Variants in NOX3 observed in about 807,000 individuals in gnomAD.
NOX3 encodes NADPH oxidase catalytic subunit-like 3.
In NOX3, 74 loss-of-function variants were observed where a neutral mutation model predicts 76.7. That is an observed-to-expected ratio of 0.96 (90% confidence interval 0.80 to 1.17). NOX3 has a LOEUF of 1.17. NOX3 is among the 50% of genes most tolerant of loss of function. NOX3 has a pLI of 0.00. For missense variants in NOX3, 695 were observed against 703.3 expected (o/e 0.99, Z 0.13); for synonymous variants, 263 against 261.1 (o/e 1.01, Z -0.07).
At chr6:155,396,025 T>C (rs1338704077) in intron 13 of NOX3, among the ~76,000 whole-genome samples, 1 of 152,196 alleles carries the variant, frequency 6.6e-6, no homozygotes. Flanking sequence ...AGTCCCTCTT[T>C]TGCTCAATAC....
intron 10 of NOX3, among the ~76,000 whole-genome samples, chr6:155,415,287 G>A (rs2114684179): frequency 6.6e-6 from 1 of 152,322 alleles, no homozygotes; most frequent in South Asian, 2.1e-4. Flanking sequence ...GAATTGAGAA[G>A]CACTACCAAT....
intron 11 of NOX3, among the ~76,000 whole-genome samples, chr6:155,409,677 C>T (rs1776515434): frequency 6.6e-6 from 1 of 152,076 alleles, no homozygotes; most frequent in African/African-American, 2.4e-5. Flanking sequence ...TGATTCTTTC[C>T]CGACAGAATG....
intron 9 of NOX3, among the ~76,000 whole-genome samples, chr6:155,423,455 G>A (rs1229877879): frequency 1.3e-5 from 2 of 152,130 alleles, no homozygotes; most frequent in Admixed American, 1.3e-4. Context: ...AAAATCTGTG[G>A]TAATTAGGCC....
Position 155,396,936 on chromosome 6 carries a change from C to T in NOX3, c.1607G>A (p.Gly536Glu). The T allele has an allele frequency of 6.2e-7, 1 of 1,612,890 alleles. No homozygotes were observed. Residue 536 changes from glycine to glutamate, a missense_variant, in exon 13 of 14, where the codon GGA becomes GAA. Transcript: ENST00000159060. Reference protein sequence around the residue: ...PSSSIGVFFCGPKALSRTLQK... With the variant: ...PSSSIGVFFCEPKALSRTLQK... ...AAGTGTCCTCGAGAGAGCTTTAGGT[C>T]CACAGAAGAACACGCCAATACTGCT...
chr6:155,414,765 T>C (rs766100230), intron 10 of NOX3, among the ~76,000 whole-genome samples: 6 of 151,884 alleles, frequency 4.0e-5, no homozygotes, highest in Non-Finnish European at 5.9e-5. Flanking sequence ...GTAGCTGGGA[T>C]TACAGGCATG....
At chr6:155,436,680 G>T in intron 6 of NOX3, 133 bp from the exon 7 acceptor site, 1 of 870,694 alleles carries the variant, frequency 1.1e-6, no homozygotes, top group South Asian at 2.0e-5. Context: ...TGAAACTCGG[G>T]CTGTCATTCA....
chr6:155,417,297 G>A (rs1776633537), intron 10 of NOX3, among the ~76,000 whole-genome samples: 1 of 152,202 alleles, frequency 6.6e-6, no homozygotes, highest in Admixed American at 6.5e-5. Context: ...AATGGAATGA[G>A]ACATATTCAA....
chr6:155,412,627 T>C (rs1397946791), intron 10 of NOX3, among the ~76,000 whole-genome samples: 1 of 152,170 alleles, frequency 6.6e-6, no homozygotes, highest in African/African-American at 2.4e-5. Context: ...GAGAGAGGGT[T>C]GCCTTTCCTT....
chr6:155,423,743 CTTT>C (rs528445827), intron 9 of NOX3, among the ~76,000 whole-genome samples: 4 of 137,520 alleles, frequency 2.9e-5, no homozygotes, highest in African/African-American at 2.7e-5. Flanking sequence ...TTTTCTTTTT[CTTT>C]TTTTTTTTTT....
chr6:155,416,530 T>C (rs2114684991), intron 10 of NOX3, among the ~76,000 whole-genome samples: 1 of 152,254 alleles, frequency 6.6e-6, no homozygotes, highest in East Asian at 1.9e-4. Context: ...TATAAAATTG[T>C]TTTTCTGGTG....
In NOX3 at chr6:155,455,744, G is replaced by A. The variant is rs1413564540; in HGVS notation, c.48+9C>T. ...ATATTTAAAGTTGAATAACAAAAAT[G>A]ATACTTACTACTAATATGGTGGAGA... On this transcript the variant is annotated intron_variant, in intron 1 of 13. Transcript: ENST00000159060. 1.2e-6 allele frequency: 2 copies of A among 1,605,674 alleles called. No homozygotes were observed. Among genetic ancestry groups the A allele is most frequent in the Non-Finnish European group, 1.7e-6 (2 of 1,172,716 alleles).
In NOX3 at chr6:155,443,201, G is replaced by A. The variant is rs568216488; in HGVS notation, c.486+72C>T. The A allele has an allele frequency of 6.4e-4, 892 of 1,400,916 alleles. 10 individuals carry two copies. In the South Asian group the frequency reaches 0.013, roughly 20 times the overall value. 86.8% of individuals were successfully genotyped at this position (1,400,916 alleles called of 1,614,324 possible). Reference sequence around the variant, plus strand: ...CTTTTATTAAAAGCTTTTCAATATAGCGTTCCTGATTAGAGGACTGGAAAA... The same window carrying A: ...CTTTTATTAAAAGCTTTTCAATATAACGTTCCTGATTAGAGGACTGGAAAA... On this transcript the variant is annotated intron_variant, in intron 5 of 13. Coordinates refer to ENST00000159060, the MANE Select transcript of NOX3 (RefSeq NM_015718.3).
intron 12 of NOX3, among the ~76,000 whole-genome samples, chr6:155,399,230 A>C (rs997402954): frequency 6.0e-5 from 9 of 149,434 alleles, no homozygotes; most frequent in Admixed American, 4.6e-4. Flanking sequence ...AGATGTCACC[A>C]AAGAGATTGC....
intron 7 of NOX3, among the ~76,000 whole-genome samples, chr6:155,434,825 G>A (rs1232832450): frequency 6.6e-6 from 1 of 152,140 alleles, no homozygotes; most frequent in East Asian, 1.9e-4. Flanking sequence ...CCATTTACAC[G>A]AGGTGAGGTA....
intron 1 of NOX3, 23 bp downstream of exon 1, chr6:155,455,730 T>C: frequency 1.3e-6 from 2 of 1,591,470 alleles, no homozygotes; most frequent in Non-Finnish European, 1.7e-6. Flanking sequence ...TATTTAAAGT[T>C]GAATAACAAA....
At chr6:155,417,471 T>C (rs1194696176) in intron 10 of NOX3, among the ~76,000 whole-genome samples, 1 of 152,188 alleles carries the variant, frequency 6.6e-6, no homozygotes, top group African/African-American at 2.4e-5. Flanking sequence ...TTAAACATAT[T>C]AATACTGGTC....
In NOX3 at chr6:155,443,273, T is replaced by C; in HGVS notation, c.486A>G (p.Thr162=). ...SYLNPVRTFP[T]NTTTELLRTI... ...AGCTTGTTAGCATGCAGGAACTCACTGTGGGGAAGGTCCGGACAGGGTTGA... is the reference window on the plus strand; with the variant it reads ...AGCTTGTTAGCATGCAGGAACTCACCGTGGGGAAGGTCCGGACAGGGTTGA... Residue 162 remains threonine, a splice_region_variant and synonymous_variant, in exon 5 of 14, where the codon ACA becomes ACG. Coordinates refer to ENST00000159060, the MANE Select transcript of NOX3 (RefSeq NM_015718.3). 3 of 1,611,954 alleles carry C rather than the reference T, an allele frequency of 1.9e-6. No individual in the cohort carries two copies. Among genetic ancestry groups the C allele is most frequent in the Non-Finnish European group, 2.5e-6 (3 of 1,178,646 alleles).
At chr6:155,425,434 T>A (rs1776744321) in intron 9 of NOX3, among the ~76,000 whole-genome samples, 1 of 152,180 alleles carries the variant, frequency 6.6e-6, no homozygotes, top group African/African-American at 2.4e-5. Flanking sequence ...CCCTGTCCTG[T>A]GAGTCCTTGC....
Position 155,455,096 on chromosome 6 carries a change from T to C in NOX3, c.82A>G (p.Ile28Val), listed in dbSNP as rs747174417. 4.3e-6 allele frequency: 7 copies of C among 1,612,996 alleles called. No individual in the cohort carries two copies. Among genetic ancestry groups the C allele is most frequent in the Non-Finnish European group, 5.9e-6 (7 of 1,179,324 alleles). The change falls in exon 2 of 14, where the codon ATT (isoleucine) becomes GTT (valine). Residue 28 changes from isoleucine (I) to valine (V), a missense_variant. By Grantham distance (29) the Ile-to-Val change is conservative. Coordinates refer to ENST00000159060, the MANE Select transcript of NOX3 (RefSeq NM_015718.3). Reference protein sequence around the residue: ...SWLGINFYLFIDTFYWYEEEE... With the variant: ...SWLGINFYLFVDTFYWYEEEE... ...TCTTCATACCAGTAGAACGTGTCAA[T>C]AAACAGATAAAAATTTATTCCCAGC...
Sources: allele counts gnomAD v4.1 joint callset (sites outside exome capture counted in the v4.1 genomes callset), GRCh38; gene constraint gnomAD v4.1.1; transcripts MANE v1.5; gene names NCBI Gene and HGNC (gene_info 2026-07-23, HGNC 2026-07-21).